Variants in CADM2 observed in about 807,000 individuals in gnomAD.
The protein encoded by CADM2 is immunoglobulin superfamily member 4D.
CADM2 carries 12 observed loss-of-function variants against 49.8 expected under a neutral mutation model. That is an observed-to-expected ratio of 0.24 (90% CI 0.15 to 0.39). The LOEUF is 0.39. Among genes scored for constraint, CADM2 ranks in the 10% least tolerant of loss-of-function variants. The pLI is 1.00. For missense variants in CADM2, 378 were observed against 492.3 expected (o/e 0.77, Z 2.20); for synonymous variants, 214 against 175.4 (o/e 1.22, Z -1.74).
At chr3:85,346,053 G>A (rs2030611219) in intron 1 of CADM2, among the ~76,000 whole-genome samples, 1 of 152,138 alleles carries the variant, frequency 6.6e-6, no homozygotes, top group South Asian at 2.1e-4. Flanking sequence ...CAACTTTTCT[G>A]TAAGCTTGAC....
chr3:85,262,366 G>A (rs957057178), intron 1 of CADM2, among the ~76,000 whole-genome samples: 5 of 152,010 alleles, frequency 3.3e-5, no homozygotes, highest in Admixed American at 3.3e-4. Context: ...TGACATCAGT[G>A]AAGTCACTGA....
At chr3:85,430,517 C>T (rs1429713879) in intron 1 of CADM2, among the ~76,000 whole-genome samples, 1 of 124,964 alleles carries the variant, frequency 8.0e-6, no homozygotes, top group African/African-American at 3.1e-5. Context: ...GACCTTGTCT[C>T]AAAAAATAAT....
intron 1 of CADM2, among the ~76,000 whole-genome samples, chr3:85,091,897 C>A (rs1453941956): frequency 1.3e-5 from 2 of 152,060 alleles, no homozygotes; most frequent in African/African-American, 2.4e-5. Context: ...ATTTAAACAT[C>A]AAATTCCAAT....
intron 5 of CADM2, among the ~76,000 whole-genome samples, chr3:85,907,451 T>G (rs1053165425): frequency 1.3e-5 from 2 of 152,182 alleles, no homozygotes; most frequent in African/African-American, 4.8e-5. Flanking sequence ...TCCTAAGAGA[T>G]ACCTTCAAGT....
chr3:85,192,909 A>T (rs2041243198), intron 1 of CADM2, among the ~76,000 whole-genome samples: 1 of 152,116 alleles, frequency 6.6e-6, no homozygotes, highest in Admixed American at 6.6e-5. Flanking sequence ...TTCTTTTAAG[A>T]TTAAAACAGC....
chr3:86,063,627 G>A (rs1411499430), intron 8 of CADM2, among the ~76,000 whole-genome samples: 1 of 151,640 alleles, frequency 6.6e-6, no homozygotes, highest in Non-Finnish European at 1.5e-5. Context: ...TAGGTGTCTA[G>A]ACGTTGTTTG....
At chr3:85,663,362 T>C (rs2065469235) in intron 1 of CADM2, among the ~76,000 whole-genome samples, 1 of 151,960 alleles carries the variant, frequency 6.6e-6, no homozygotes, top group Non-Finnish European at 1.5e-5. Flanking sequence ...CACTCAGCGC[T>C]TTTTTTCATT....
chr3:85,844,324 A>G (rs147279413), intron 3 of CADM2, among the ~76,000 whole-genome samples: 2 of 152,208 alleles, frequency 1.3e-5, no homozygotes, highest in East Asian at 3.9e-4. Flanking sequence ...ATTTTTTGTT[A>G]TAATATTTTT....
intron 1 of CADM2, among the ~76,000 whole-genome samples, chr3:85,260,470 A>G (rs964099700): frequency 4.6e-5 from 7 of 152,126 alleles, no homozygotes; most frequent in African/African-American, 1.7e-4. Context: ...CCTCAACATA[A>G]CTAAACAAAT....
chr3:85,746,406 G>A (rs2068621872), intron 2 of CADM2, among the ~76,000 whole-genome samples: 1 of 152,098 alleles, frequency 6.6e-6, no homozygotes, highest in South Asian at 2.1e-4. Flanking sequence ...GGCTTTAGAA[G>A]GAAAAATATG....
chr3:85,530,497 A>G (rs368702784), intron 1 of CADM2, among the ~76,000 whole-genome samples: 1 of 151,560 alleles, frequency 6.6e-6, no homozygotes, highest in Non-Finnish European at 1.5e-5. Context: ...CACCCTGCTA[A>G]TTTTTGTATT....
chr3:85,992,971 A>G (rs916752008), intron 8 of CADM2: 26 of 152,182 alleles, frequency 1.7e-4, no homozygotes, highest in African/African-American at 6.0e-4. Flanking sequence ...AATTAAAGTC[A>G]ATCCTCTGAT....
intron 1 of CADM2, among the ~76,000 whole-genome samples, chr3:85,383,022 T>C (rs1434045766): frequency 6.6e-6 from 1 of 152,136 alleles, no homozygotes; most frequent in African/African-American, 2.4e-5. Flanking sequence ...AGTACACTAC[T>C]GTAACAATAG....
chr3:85,368,549 A>AATATATATATACCTGAAT (rs574653462), intron 1 of CADM2, among the ~76,000 whole-genome samples: 2 of 149,984 alleles, frequency 1.3e-5, no homozygotes, highest in Admixed American at 1.3e-4. Flanking sequence ...TATATACCTG[A>AATATATATATACCTGAAT]ATATATATAT....
intron 8 of CADM2, chr3:86,014,722 G>C (rs1731991287): frequency 6.6e-7 from 1 of 1,514,006 alleles, no homozygotes; most frequent in East Asian, 2.3e-5. Flanking sequence ...GACATGTGTA[G>C]AAGTGACTTA....
At chr3:85,490,223 A>G (rs1346666628) in intron 1 of CADM2, among the ~76,000 whole-genome samples, 1 of 152,120 alleles carries the variant, frequency 6.6e-6, no homozygotes, top group Non-Finnish European at 1.5e-5. Context: ...ACCCAAATGG[A>G]TTAGGCTATA....
At chr3:86,012,984 CA>C in intron 8 of CADM2, 1 of 876,174 alleles carries the variant, frequency 1.1e-6, no homozygotes, top group Non-Finnish European at 1.9e-6. Flanking sequence ...AAAACAAAAA[CA>C]AAAACCTGAT....
At chr3:85,627,124 A>G (rs909954280) in intron 1 of CADM2, among the ~76,000 whole-genome samples, 4 of 151,950 alleles carry the variant, frequency 2.6e-5, no homozygotes, top group African/African-American at 9.7e-5. Context: ...AAATTCCTTC[A>G]CTATTTTGTG....
At chr3:85,279,267 A>G (rs1168638580) in intron 1 of CADM2, among the ~76,000 whole-genome samples, 1 of 151,554 alleles carries the variant, frequency 6.6e-6, no homozygotes. Flanking sequence ...TAACCTTTCC[A>G]CAGAACAGAT....
Sources: allele counts gnomAD v4.1 joint callset (sites outside exome capture counted in the v4.1 genomes callset), GRCh38; gene constraint gnomAD v4.1.1; transcripts MANE v1.5; gene names NCBI Gene and HGNC (gene_info 2026-07-23, HGNC 2026-07-21).